MERTK: variants seen among roughly 807,000 people sequenced by gnomAD.
MERTK encodes the protein tyrosine-protein kinase Mer.
A neutral mutation model predicts 99.3 loss-of-function variants in MERTK; 69 were observed. That is an observed-to-expected ratio of 0.70 (90% confidence interval 0.57 to 0.85). The LOEUF (loss-of-function observed/expected upper bound fraction) is 0.85. Ranked by LOEUF, MERTK falls within the 40% of genes least tolerant of loss-of-function variation. MERTK has a pLI of 0.00. For missense variants in MERTK, 1,125 were observed against 1,249.4 expected (o/e 0.90, Z 1.50); for synonymous variants, 426 against 467.6 (o/e 0.91, Z 1.15).
chr2:111,946,353 A>G (rs1380072048), intron 3 of MERTK, among the ~76,000 whole-genome samples: 3 of 152,242 alleles, frequency 2.0e-5, no homozygotes, highest in Non-Finnish European at 4.4e-5. Context: ...TTGAAACAGG[A>G]TAAAAGAATT....
rs374308795 is a variant in MERTK at position 112,022,987 on chromosome 2, G to T, written c.2486+593G>T. 1.6e-3 allele frequency among the ~76,000 whole-genome samples: 239 copies of T among 152,248 alleles called. 1 individual carries two copies. Among genetic ancestry groups the T allele is most frequent in the African/African-American group, 5.5e-3 (228 of 41,532 alleles). ...GGCCCAGAAATGTGTGTTTTAGAAT[G>T]CTCCCTGGGGCTGGGCGCAGTGGCT... On this transcript the variant is annotated intron_variant, in intron 18 of 18. Coordinates refer to ENST00000295408, the MANE Select transcript of MERTK (RefSeq NM_006343.3).
At chr2:111,979,475 A>G (rs1676322493) in intron 7 of MERTK, among the ~76,000 whole-genome samples, 1 of 151,788 alleles carries the variant, frequency 6.6e-6, no homozygotes, top group Non-Finnish European at 1.5e-5. Context: ...TTTGGTCATC[A>G]AGGGCATTCA....
At chr2:111,921,856 G>T (rs1280067837) in intron 1 of MERTK, among the ~76,000 whole-genome samples, 1 of 152,052 alleles carries the variant, frequency 6.6e-6, no homozygotes, top group African/African-American at 2.4e-5. Flanking sequence ...GCCTCCCAAA[G>T]TGCTGGGAGC....
At chr2:111,992,157 GCA>G (rs1676633412) in intron 8 of MERTK, among the ~76,000 whole-genome samples, 1 of 152,106 alleles carries the variant, frequency 6.6e-6, no homozygotes, top group African/African-American at 2.4e-5. Context: ...AAGGAGCCAC[GCA>G]CAGAGAGGCC....
intron 6 of MERTK, among the ~76,000 whole-genome samples, chr2:111,969,815 CT>C (rs776902930): frequency 6.6e-6 from 1 of 151,870 alleles, no homozygotes; most frequent in Non-Finnish European, 1.5e-5. Context: ...CCTCAGCCTC[CT>C]GAGTAGCTGG....
In MERTK at chr2:111,968,261, C is replaced by G; in HGVS notation, c.960+9C>G. On this transcript the variant is annotated intron_variant, in intron 6 of 18. Coordinates refer to ENST00000295408, the MANE Select transcript of MERTK (RefSeq NM_006343.3). Reference sequence around the variant, plus strand: ...GGAATTGCAGCATTCAGGTAAAGTTCCAGGGTGAAGAGGGAAGTAGCTGTT... The same window carrying G: ...GGAATTGCAGCATTCAGGTAAAGTTGCAGGGTGAAGAGGGAAGTAGCTGTT... 6.2e-7 allele frequency: 1 copy of G among 1,602,248 alleles called. No individual in the cohort carries two copies. Among genetic ancestry groups the G allele is most frequent in the Non-Finnish European group, 8.6e-7 (1 of 1,169,356 alleles).
rs1200587543 is a variant in MERTK, at chr2:111,945,015, AACAAT to A, written c.539_543del (p.Asn180ArgfsTer6). ...GTCGTATATCTGTAAGATGAAAATA[AACAAT>A]GAAGAGATCGTGTCTGATCCCATCT... is the stretch of plus-strand genomic sequence containing the variant. On this transcript the variant is annotated frameshift_variant, in exon 3 of 19. Coordinates refer to ENST00000295408, the MANE Select transcript of MERTK (RefSeq NM_006343.3). LOFTEE classifies it high-confidence loss of function. 1 of 1,613,822 alleles carries A rather than the reference AACAAT, an allele frequency of 6.2e-7. No individual in the cohort carries two copies. The highest frequency in any genetic ancestry group is 2.2e-5 in the East Asian group (1 of 44,864).
In MERTK at chr2:112,022,294, CG is replaced by C. The variant is rs1677368092; in HGVS notation, c.2390del (p.Gly797GlufsTer2). ...FGVTMWEIAT[R>X]GMTPYPGVQN... ...CGTGACCATGTGGGAAATAGCTACG[CG>C]GGGAATGACTCCCTATCCTGGGGTC... On this transcript the variant is annotated frameshift_variant, in exon 18 of 19. Coordinates refer to ENST00000295408, the MANE Select transcript of MERTK (RefSeq NM_006343.3). LOFTEE classifies it high-confidence loss of function. 6.2e-7 allele frequency: 1 copy of C among 1,614,074 alleles called. No homozygotes were observed. The highest frequency in any genetic ancestry group is 1.3e-5 in the African/African-American group (1 of 74,918).
chr2:112,016,317 A>G (rs998404926), intron 15 of MERTK, among the ~76,000 whole-genome samples: 6 of 152,212 alleles, frequency 3.9e-5, no homozygotes, highest in African/African-American at 1.4e-4. Flanking sequence ...ATTTTCAATG[A>G]TGGAAAATAA....
chr2:111,947,279 CCCCCCACAAAAAAAGAAAT>C, intron 3 of MERTK, 96 bp from the exon 4 acceptor site: 1 of 604,690 alleles, frequency 1.7e-6, no homozygotes. Context: ...TCCCCACCCG[CCCCCCACAAAAAAAGAAAT>C]CTATTGCCAA....
rs1020886089 is a variant in MERTK at position 111,945,012 on chromosome 2, A to G, written c.535A>G (p.Ile179Val). Residue 179 changes from isoleucine to valine, a missense_variant, in exon 3 of 19, where the codon ATA becomes GTA. Ile to Val is a conservative substitution (Grantham distance 29, BLOSUM62 3). Transcript: ENST00000295408. ...DNGSYICKMK[I>V]NNEEIVSDPI... Reference sequence around the variant, plus strand: ...TGGGTCGTATATCTGTAAGATGAAAATAAACAATGAAGAGATCGTGTCTGA... The same window carrying G: ...TGGGTCGTATATCTGTAAGATGAAAGTAAACAATGAAGAGATCGTGTCTGA... 6.2e-7 allele frequency: 1 copy of G among 1,613,870 alleles called. No homozygotes were observed. The highest frequency in any genetic ancestry group is 8.5e-7 in the Non-Finnish European group (1 of 1,179,838).
intron 18 of MERTK, among the ~76,000 whole-genome samples, chr2:112,024,562 C>T (rs909680180): frequency 6.6e-6 from 1 of 152,208 alleles, no homozygotes; most frequent in Non-Finnish European, 1.5e-5. Flanking sequence ...CATCTCCTCT[C>T]GAATCTAGAT....
intron 7 of MERTK, among the ~76,000 whole-genome samples, chr2:111,979,951 G>C (rs1393824667): frequency 6.6e-6 from 1 of 152,114 alleles, no homozygotes; most frequent in Admixed American, 6.5e-5. Flanking sequence ...AATTTCTGCT[G>C]TCTGCTCCTA....
chr2:112,004,649 C>G lies in MERTK; in HGVS notation c.1867+665C>G, dbSNP rs187135506. Among the ~76,000 whole-genome samples, 18 of 152,252 alleles carry G rather than the reference C, an allele frequency of 1.2e-4. No homozygotes were observed. The East Asian group carries it at 2.3e-3, about 20-fold the overall frequency. ...TTAACCAGCCGGGCACGGTGGCTCACGCCTGGAATCCCAGCACTTTGGGAG... is the reference window on the plus strand; with the variant it reads ...TTAACCAGCCGGGCACGGTGGCTCAGGCCTGGAATCCCAGCACTTTGGGAG... On this transcript the variant is annotated intron_variant, in intron 13 of 18. Transcript: ENST00000295408.
intron 15 of MERTK, among the ~76,000 whole-genome samples, chr2:112,013,064 A>G (rs1279404880): frequency 6.6e-6 from 1 of 151,586 alleles, no homozygotes; most frequent in Non-Finnish European, 1.5e-5. Context: ...TCTTCTTCCT[A>G]GGGACAGCTT....
intron 2 of MERTK, among the ~76,000 whole-genome samples, chr2:111,943,552 T>C (rs1684902844): frequency 6.6e-6 from 1 of 151,962 alleles, no homozygotes; most frequent in Admixed American, 6.6e-5. Flanking sequence ...TAAAATAAAA[T>C]AAAATGTGCA....
At chr2:112,019,558 C>T (rs1029396231) in intron 16 of MERTK, 36 bp downstream of exon 16, 2 of 1,497,288 alleles carry the variant, frequency 1.3e-6, no homozygotes, top group South Asian at 1.1e-5. Flanking sequence ...GGGTTTGGAC[C>T]TCATGGTGTT....
At chr2:111,934,855 T>G (rs764130950) in intron 2 of MERTK, among the ~76,000 whole-genome samples, 2 of 152,192 alleles carry the variant, frequency 1.3e-5, no homozygotes, top group African/African-American at 2.4e-5. Context: ...TTTCAGGTCT[T>G]ACATTTAAGG....
At chr2:111,921,919 A>G (rs1025773682) in intron 1 of MERTK, among the ~76,000 whole-genome samples, 3 of 152,206 alleles carry the variant, frequency 2.0e-5, no homozygotes, top group African/African-American at 7.2e-5. Flanking sequence ...TAGAGAGCTC[A>G]GCTGATGCTT....
Sources: gnomAD v4.1 joint callset for allele counts (sites outside exome capture counted in the v4.1 genomes callset) on GRCh38, gnomAD v4.1.1 for gene constraint, MANE v1.5 for transcripts, NCBI Gene and HGNC (gene_info 2026-07-23, HGNC 2026-07-21) for gene names.